The following IFFO1 variants were observed in gnomAD, a reference collection of about 807,000 sequenced individuals.
IFFO1 encodes the protein intermediate filament family orphan 1, also known as non-homologous end joining factor IFFO1.
In IFFO1, 42 loss-of-function variants were observed where a neutral mutation model predicts 59.6. That is an observed-to-expected ratio of 0.70 (90% CI 0.55 to 0.91). The LOEUF is 0.91. Ranked by LOEUF, IFFO1 falls within the 40% of genes least tolerant of loss-of-function variation. The pLI, the probability that IFFO1 is intolerant of heterozygous loss-of-function variation, is 0.00. For synonymous variants in IFFO1, 336 were observed against 342.8 expected (o/e 0.98, Z 0.22); for missense variants, 711 against 793.2 (o/e 0.90, Z 1.24).
rs372275186 is a variant in IFFO1, at chr12:6,549,547, G to C, written c.1072-63C>G. 6.9e-7 allele frequency: 1 copy of C among 1,442,298 alleles called. No homozygotes were observed. Among genetic ancestry groups the C allele is most frequent in the Non-Finnish European group, 9.8e-7 (1 of 1,024,602 alleles). The allele number at this position is 1,442,298 out of a possible 1,614,324, so 89.3% of individuals were successfully genotyped here. On this transcript the variant is annotated intron_variant, in intron 4 of 9. Transcript: ENST00000619571. This position sits in a 1 kb window ranked among gnomAD's most constrained non-coding sequence, Gnocchi z 5.0. ...GGAGAGGAAGCAGACAGAGGAGAGA[G>C]AGGGGGAAGGGAGAGACGGCGTTAG...
In IFFO1 at chr12:6,548,160, G is replaced by A. The variant is rs1326023901; in HGVS notation, c.1384C>T (p.Gln462Ter). Reference protein sequence around the residue: ...AMAAAEAQGEQQEDSLEKVIK... With the variant: ...AMAAAEAQGE The stretch of plus-strand genomic sequence containing the variant: ...ACCTTCTCCAGGCTATCTTCCTGCT[G>A]CTGGAGTAGAAAGGGAAGCGGGGGA... The change falls in exon 8 of 10, where the codon CAG (glutamine) becomes TAG (stop). Residue 462 changes from glutamine (Q) to a stop codon, truncating the protein, a stop_gained and splice_region_variant. Coordinates refer to ENST00000619571, the MANE Select transcript of IFFO1 (RefSeq NM_001193457.2). LOFTEE classifies it high-confidence loss of function. This position sits in a 1 kb window ranked among gnomAD's most constrained non-coding sequence, Gnocchi z 6.1. 6.2e-7 allele frequency: 1 copy of A among 1,613,082 alleles called. No individual in the cohort carries two copies. The highest frequency in any genetic ancestry group is 1.3e-5 in the African/African-American group (1 of 74,878).
At position 6,540,449 on chromosome 12, in the gene IFFO1, G is replaced by T. The variant is rs1946648965; in HGVS notation, c.*34C>A. On this transcript the variant is annotated 3_prime_UTR_variant, in exon 10 of 10. Coordinates refer to ENST00000619571, the MANE Select transcript of IFFO1 (RefSeq NM_001193457.2). Reference sequence around the variant, plus strand: ...CCTCTGCCTCGCTGAGCTCCCTGCTGCGAGGGCCTCGGGTGCAAGGGGGAG... The same window carrying T: ...CCTCTGCCTCGCTGAGCTCCCTGCTTCGAGGGCCTCGGGTGCAAGGGGGAG... The T allele has an allele frequency of 1.9e-6, 3 of 1,545,194 alleles. No homozygotes were observed. The highest frequency in any genetic ancestry group is 1.4e-5 in the African/African-American group (1 of 73,634).
Position 6,541,858 on chromosome 12 carries a change from G to A in IFFO1, c.1480-216C>T, listed in dbSNP as rs889307696. Among the ~76,000 whole-genome samples, 5 of 152,238 alleles carry A rather than the reference G, an allele frequency of 3.3e-5. No individual in the cohort carries two copies. Among genetic ancestry groups the A allele is most frequent in the Non-Finnish European group, 5.9e-5 (4 of 68,040 alleles). On this transcript the variant is annotated intron_variant, in intron 8 of 9. Coordinates refer to ENST00000619571, the MANE Select transcript of IFFO1 (RefSeq NM_001193457.2). The surrounding 1 kb of genome is among the most constrained non-coding windows in gnomAD (Gnocchi z 4.8). ...GCTTTTCCTGGAAATCTTTGCCTAT[G>A]GAGGAATGCAAAGGTACTGCTGCAG...
Position 6,555,231 on chromosome 12 carries a change from A to T in IFFO1, c.773+26T>A. On this transcript the variant is annotated intron_variant, in intron 1 of 9. Transcript: ENST00000619571. This position sits in a 1 kb window ranked among gnomAD's most constrained non-coding sequence, Gnocchi z 8.6. ...GTTGTGAGTGGTATGACACAGAGAG[A>T]CCTGTCCCCCTTTCCCAATCCCTAC... The T allele has an allele frequency of 6.2e-7, 1 of 1,610,364 alleles. No individual in the cohort carries two copies. Among genetic ancestry groups the T allele is most frequent in the Non-Finnish European group, 8.5e-7 (1 of 1,177,032 alleles).
In IFFO1 at chr12:6,540,213, G is replaced by T; in HGVS notation, c.*270C>A. 1.8e-6 allele frequency: 1 copy of T among 542,452 alleles called. No homozygotes were observed. Among genetic ancestry groups the T allele is most frequent in the East Asian group, 3.2e-5 (1 of 30,828 alleles). The allele number at this position is 542,452 out of a possible 1,614,324, so 33.6% of individuals were successfully genotyped here. On this transcript the variant is annotated 3_prime_UTR_variant, in exon 10 of 10. Transcript: ENST00000619571. ...TCGCTCTGGCAGCATTTTAAAGATG[G>T]GGAAGTAGCAGACACCCACGCGTGA...
rs1242243778 is a variant in IFFO1, at chr12:6,555,510, G to A, written c.520C>T (p.Leu174Phe). Reference protein sequence around the residue: ...AGPLAPSAASLSSSSTSTSTT... With the variant: ...AGPLAPSAASFSSSSTSTSTT... ...GAGGTGGAGGTGGAGGACGACGAGA[G>A]GCTGGCCGCGGAGGGCGCGAGGGGG... Residue 174 changes from leucine (L) to phenylalanine (F), a missense_variant, in exon 1 of 10, where the codon CTC (leucine) becomes TTC (phenylalanine). Physicochemically the swap from Leu to Phe is conservative, Grantham distance 22. Coordinates refer to ENST00000619571, the MANE Select transcript of IFFO1 (RefSeq NM_001193457.2). The surrounding 1 kb of genome is among the most constrained non-coding windows in gnomAD (Gnocchi z 8.6). The A allele has an allele frequency of 3.8e-6, 6 of 1,587,064 alleles. No individual in the cohort carries two copies. The highest frequency in any genetic ancestry group is 5.1e-6 in the Non-Finnish European group (6 of 1,167,840).
intron 8 of IFFO1, among the ~76,000 whole-genome samples, chr12:6,544,165 C>T (rs917573217): frequency 2.2e-5 from 3 of 136,664 alleles, no homozygotes; most frequent in Admixed American, 7.4e-5. Flanking sequence ...TTTGAAAATA[C>T]TTTTTTTTTT....
Position 6,540,376 on chromosome 12 carries a change from C to T in IFFO1, c.*107G>A, listed in dbSNP as rs192026528. Reference sequence around the variant, plus strand: ...GAGGAGCGCCCCAGTCCCCAGGGACCGGCCTGGTGCAGAGCTGCAGCTGAT... The same window carrying T: ...GAGGAGCGCCCCAGTCCCCAGGGACTGGCCTGGTGCAGAGCTGCAGCTGAT... On this transcript the variant is annotated 3_prime_UTR_variant, in exon 10 of 10. Transcript: ENST00000619571. The T allele has an allele frequency of 7.5e-6, 7 of 932,054 alleles. No homozygotes were observed. Among genetic ancestry groups the T allele is most frequent in the East Asian group, 2.5e-5 (1 of 40,632 alleles). 57.7% of individuals were successfully genotyped at this position (932,054 alleles called of 1,614,324 possible).
chr12:6,553,371 G>T lies in IFFO1; in HGVS notation c.773+1886C>A, dbSNP rs559587699. Among the ~76,000 whole-genome samples the T allele has an allele frequency of 2.8e-4, 42 of 152,306 alleles. 1 individual carries two copies. Among genetic ancestry groups the T allele is most frequent in the Admixed American group, 2.0e-3 (31 of 15,296 alleles). On this transcript the variant is annotated intron_variant, in intron 1 of 9. Coordinates refer to ENST00000619571, the MANE Select transcript of IFFO1 (RefSeq NM_001193457.2). The stretch of plus-strand genomic sequence containing the variant: ...CCTGAGAACAGCAGTTGTTCCTGTG[G>T]TTATGGATGTATTCCAGAACTGTGC...
At position 6,550,983 on chromosome 12, in the gene IFFO1, C is replaced by G. The variant is rs767906387; in HGVS notation, c.792G>C (p.Thr264=). The G allele has an allele frequency of 6.2e-7, 1 of 1,614,174 alleles. No individual in the cohort carries two copies. Among genetic ancestry groups the G allele is most frequent in the African/African-American group, 1.3e-5 (1 of 75,054 alleles). The change falls in exon 2 of 10, where the codon ACG becomes ACC. Residue 264 remains threonine, a synonymous_variant. Coordinates refer to ENST00000619571, the MANE Select transcript of IFFO1 (RefSeq NM_001193457.2). The part of the protein sequence containing the change: ...EYKRRWEEEY[T]VRIQLQDRVN... Reference sequence around the variant, plus strand: ...CACGGTCTTGCAGCTGGATCCGCACCGTGTACTCCTCTTCCCACCTGACAG... The same window carrying G: ...CACGGTCTTGCAGCTGGATCCGCACGGTGTACTCCTCTTCCCACCTGACAG...
rs138478545 is a variant in IFFO1, at chr12:6,543,290, G to A, written c.1480-1648C>T. ...CAGAAGTCCCCAAACCCCAGGCCAC[G>A]GACCAGTACCTGTCTGTGGCCTGTT... is the stretch of plus-strand genomic sequence containing the variant. On this transcript the variant is annotated intron_variant, in intron 8 of 9. Coordinates refer to ENST00000619571, the MANE Select transcript of IFFO1 (RefSeq NM_001193457.2). Among the ~76,000 whole-genome samples, 419 of 152,270 alleles carry A rather than the reference G, an allele frequency of 2.8e-3. 3 individuals carry two copies. Among genetic ancestry groups the A allele is most frequent in the African/African-American group, 9.6e-3 (399 of 41,538 alleles).
At position 6,541,093 on chromosome 12, in the gene IFFO1, C is replaced by G. The variant is rs1367641157; in HGVS notation, c.1610+419G>C. On this transcript the variant is annotated intron_variant, in intron 9 of 9. Coordinates refer to ENST00000619571, the MANE Select transcript of IFFO1 (RefSeq NM_001193457.2). This position sits in a 1 kb window ranked among gnomAD's most constrained non-coding sequence, Gnocchi z 4.8. ...CTGCTGAGCCTCCAGCACCCTGACT[C>G]TAGGGCCTTGGCTTTATGTCTATCT... Among the ~76,000 whole-genome samples the G allele has an allele frequency of 6.6e-6, 1 of 151,378 alleles. No individual in the cohort carries two copies. The highest frequency in any genetic ancestry group is 2.1e-4 in the South Asian group (1 of 4,806).
chr12:6,543,171 C>T (rs145850877), intron 8 of IFFO1, among the ~76,000 whole-genome samples: 290 of 152,274 alleles, frequency 1.9e-3, no homozygotes, highest in African/African-American at 6.6e-3. Flanking sequence ...TACCTTGCTC[C>T]ATCTTAGTGA....
At chr12:6,543,343 A>G (rs1565564396) in intron 8 of IFFO1, among the ~76,000 whole-genome samples, 1 of 152,198 alleles carries the variant, frequency 6.6e-6, no homozygotes, top group Non-Finnish European at 1.5e-5. Flanking sequence ...GCAGGAGGTG[A>G]GCAGTGGGCA....
chr12:6,550,546 T>G, intron 3 of IFFO1, 149 bp downstream of exon 3: 3 of 575,252 alleles, frequency 5.2e-6, no homozygotes, highest in Non-Finnish European at 9.3e-6. Flanking sequence ...TTCTCTGGAG[T>G]TAGGGGTGGC....
At position 6,548,966 on chromosome 12, in the gene IFFO1, A is replaced by G; in HGVS notation, c.1081-117T>C. The stretch of plus-strand genomic sequence containing the variant: ...AGGAAGGGGGGGCAGACAGAGAGAA[A>G]AGTCACAGTTACAATGACAGGAACA... On this transcript the variant is annotated intron_variant, in intron 5 of 9. Coordinates refer to ENST00000619571, the MANE Select transcript of IFFO1 (RefSeq NM_001193457.2). The surrounding 1 kb of genome is among the most constrained non-coding windows in gnomAD (Gnocchi z 6.1). 2 of 835,578 alleles carry G rather than the reference A, an allele frequency of 2.4e-6. No homozygotes were observed. Among genetic ancestry groups the G allele is most frequent in the Non-Finnish European group, 3.7e-6 (2 of 537,560 alleles). 51.8% of individuals were successfully genotyped at this position (835,578 alleles called of 1,614,324 possible).
At position 6,541,493 on chromosome 12, in the gene IFFO1, G is replaced by A. The variant is rs1217498695; in HGVS notation, c.1610+19C>T. 6.2e-7 allele frequency: 1 copy of A among 1,612,334 alleles called. No homozygotes were observed. Among genetic ancestry groups the A allele is most frequent in the East Asian group, 2.2e-5 (1 of 44,886 alleles). On this transcript the variant is annotated intron_variant, in intron 9 of 9. Coordinates refer to ENST00000619571, the MANE Select transcript of IFFO1 (RefSeq NM_001193457.2). This position sits in a 1 kb window ranked among gnomAD's most constrained non-coding sequence, Gnocchi z 4.8. The stretch of plus-strand genomic sequence containing the variant: ...GCTGTGTCCCCCTGGAAGGCCCCAT[G>A]CCCAGGGGAGGCGCCTACCGGTCTC...
rs760163963 is a variant in IFFO1 at position 6,548,696 on chromosome 12, C to T, written c.1234G>A (p.Glu412Lys). The change falls in exon 6 of 10, where the codon GAG (glutamate) becomes AAG (lysine). Residue 412 changes from glutamate (E) to lysine (K), a missense_variant. By Grantham distance (56) the Glu-to-Lys change is moderately conservative. Transcript: ENST00000619571. This position sits in a 1 kb window ranked among gnomAD's most constrained non-coding sequence, Gnocchi z 6.1. ...TGGTTGAGCATGCGCTGCATCTCCT[C>T]GTTGATGCTGAGGGCTGTGCTCTCC... ...EEESTALSIN[E>K]EMQRMLNQLR... 1.4e-5 allele frequency: 23 copies of T among 1,613,976 alleles called. No individual in the cohort carries two copies. Among genetic ancestry groups the T allele is most frequent in the African/African-American group, 9.3e-5 (7 of 74,912 alleles).
Position 6,540,600 on chromosome 12 carries a change from C to G in IFFO1, c.1611-12G>C, listed in dbSNP as rs748997869. 2.4e-5 allele frequency: 38 copies of G among 1,608,826 alleles called. No individual in the cohort carries two copies. In the African/African-American group the frequency reaches 4.8e-4, roughly 20 times the overall value. ...AAGCAGGAGACTTTCTAGAAAAAAA[C>G]ACCAGTTGTCAACCTTGGGGCAGGC... On this transcript the variant is annotated splice_polypyrimidine_tract_variant and intron_variant, in intron 9 of 9. Transcript: ENST00000619571.
Sources: allele counts gnomAD v4.1 joint callset (sites outside exome capture counted in the v4.1 genomes callset), GRCh38; gene constraint gnomAD v4.1.1; non-coding constraint Gnocchi (gnomAD v3.1); transcripts MANE v1.5; gene names NCBI Gene and HGNC (gene_info 2026-07-23, HGNC 2026-07-21).